Variants in KIAA1671 observed in about 807,000 individuals in gnomAD.
KIAA1671 encodes the protein KIAA1671, also known as uncharacterized protein KIAA1671.
Under a neutral mutation model 131.2 loss-of-function variants are expected in KIAA1671, and 52 were observed. The ratio of observed to expected loss-of-function variants is 0.40; its 90% CI spans 0.32 to 0.50. The LOEUF is 0.50. Ranked by LOEUF, KIAA1671 falls within the 20% of genes least tolerant of loss-of-function variation. The probability of loss-of-function intolerance (pLI) is 0.73; values close to 1 mark genes in which losing one functional copy is unlikely to be tolerated. For synonymous variants in KIAA1671, 1,003 were observed against 961.6 expected, an observed-to-expected ratio of 1.04 and a Z score of -0.80; for missense variants, 2,360 against 2,364.2, an observed-to-expected ratio of 1.00 and a Z score of 0.04.
chr22:25,030,834 G>C (rs995917350), intron 3 of KIAA1671, among the ~76,000 whole-genome samples: 3 of 152,182 alleles, frequency 2.0e-5, no homozygotes, highest in Non-Finnish European at 4.4e-5. Flanking sequence ...GTCCAGGGTG[G>C]AGCTTGCAAA....
chr22:25,128,874 T>A (rs1348133400), intron 6 of KIAA1671, among the ~76,000 whole-genome samples: 5 of 152,236 alleles, frequency 3.3e-5, no homozygotes, highest in Non-Finnish European at 1.5e-5. Flanking sequence ...TTGGATTCCG[T>A]CCTTGGCTCA....
chr22:25,173,292 T>C (rs1933912758), intron 7 of KIAA1671, among the ~76,000 whole-genome samples: 1 of 152,160 alleles, frequency 6.6e-6, no homozygotes, highest in South Asian at 2.1e-4. Context: ...CCAAACCATG[T>C]CACCAACCCT....
chr22:25,189,126 CTTTTTTT>C (rs200226589), intron 11 of KIAA1671, among the ~76,000 whole-genome samples: 4 of 114,878 alleles, frequency 3.5e-5, no homozygotes, highest in African/African-American at 1.0e-4. Flanking sequence ...CAGTCTTTTT[CTTTTTTT>C]TTTTTTTTTT....
At chr22:24,982,344 C>T (rs1247250236) in intron 1 of KIAA1671, among the ~76,000 whole-genome samples, 1 of 152,236 alleles carries the variant, frequency 6.6e-6, no homozygotes, top group South Asian at 2.1e-4. Context: ...CTTACTCTCT[C>T]TTTGCTAAAA....
chr22:25,018,136 CCT>C (rs1183871212), intron 1 of KIAA1671, among the ~76,000 whole-genome samples: 7 of 148,808 alleles, frequency 4.7e-5, no homozygotes, highest in Non-Finnish European at 8.9e-5. Flanking sequence ...CTATAACCCC[CCT>C]GTCTGCCCCC....
At position 25,049,279 on chromosome 22, in the gene KIAA1671, G is replaced by C. The variant is rs1007472849; in HGVS notation, c.4445G>C (p.Arg1482Pro). 1.3e-6 allele frequency: 2 copies of C among 1,551,916 alleles called. No individual in the cohort carries two copies. Among genetic ancestry groups the C allele is most frequent in the Non-Finnish European group, 8.7e-7 (1 of 1,146,998 alleles). Reference sequence around the variant, plus strand: ...GAGGATGCCCCCCAGGAGAAGGAGCGACCGCTCCAGCAGGTGTCCCCTGTG... The same window carrying C: ...GAGGATGCCCCCCAGGAGAAGGAGCCACCGCTCCAGCAGGTGTCCCCTGTG... ...EKEDAPQEKE[R>P]PLQQVSPVAS... Residue 1482 changes from arginine to proline, a missense_variant, in exon 6 of 13, where the codon CGA (arginine) becomes CCA (proline). Physicochemically the swap from Arg to Pro is moderately radical, Grantham distance 103. Coordinates refer to ENST00000358431, the MANE Select transcript of KIAA1671 (RefSeq NM_001145206.2).
At position 24,993,466 on chromosome 22, in the gene KIAA1671, G is replaced by A. The variant is rs536556482; in HGVS notation, c.-207-32167G>A. On this transcript the variant is annotated intron_variant, in intron 1 of 12. Transcript: ENST00000358431. ...TAGACCTCATGGCTTTCCCTTGGCC[G>A]GCTCCCTCTGACTGTAGGTCATTCA... Among the ~76,000 whole-genome samples, 9 of 152,272 alleles carry A rather than the reference G, an allele frequency of 5.9e-5. No individual in the cohort carries two copies. The East Asian group carries it at 1.4e-3, about 23-fold the overall frequency.
chr22:25,040,954 G>A lies in KIAA1671; in HGVS notation c.3824G>A (p.Gly1275Asp). Reference protein sequence around the residue: ...SAEINHSFTPGLGKQLAETLE... With the variant: ...SAEINHSFTPDLGKQLAETLE... ...GAAATAAATCACAGTTTCACTCCTGGCTTAGGCAAGCAGCTGGCAGAGACC... is the reference window on the plus strand; with the variant it reads ...GAAATAAATCACAGTTTCACTCCTGACTTAGGCAAGCAGCTGGCAGAGACC... The change falls in exon 5 of 13, where the codon GGC (glycine) becomes GAC (aspartate). Residue 1275 changes from glycine to aspartate, a missense_variant. Gly to Asp is a moderately conservative substitution (Grantham distance 94). Transcript: ENST00000358431. The A allele has an allele frequency of 6.8e-7, 1 of 1,477,504 alleles. No individual in the cohort carries two copies. The highest frequency in any genetic ancestry group is 9.0e-7 in the Non-Finnish European group (1 of 1,113,488). 91.5% of individuals were successfully genotyped at this position (1,477,504 alleles called of 1,614,324 possible). A position where few individuals can be genotyped will look rare whatever the true frequency, so the allele number is the denominator to read the frequency against.
At chr22:24,958,110 C>A (rs1010871860) in intron 1 of KIAA1671, among the ~76,000 whole-genome samples, 3 of 151,850 alleles carry the variant, frequency 2.0e-5, no homozygotes, top group Non-Finnish European at 4.4e-5. Flanking sequence ...AGTGGAAGAG[C>A]TGGGATTTGA....
chr22:25,129,305 G>C (rs576388108), intron 6 of KIAA1671, among the ~76,000 whole-genome samples: 6 of 152,090 alleles, frequency 3.9e-5, no homozygotes, highest in Non-Finnish European at 7.4e-5. Flanking sequence ...TCAAGAGTTC[G>C]AGACCAGCCT....
intron 3 of KIAA1671, among the ~76,000 whole-genome samples, chr22:25,031,283 G>A (rs367792571): frequency 0.037 from 5,430 of 144,820 alleles, 119 homozygotes; most frequent in South Asian, 0.064. Context: ...TGCAAGCTCC[G>A]CCTCCCAGGT....
chr22:24,989,877 A>G (rs1461477786), intron 1 of KIAA1671, among the ~76,000 whole-genome samples: 1 of 152,206 alleles, frequency 6.6e-6, no homozygotes, highest in Non-Finnish European at 1.5e-5. Flanking sequence ...GAACAAAAAA[A>G]GGCTGTCCTC....
At chr22:25,044,711 T>C (rs1927129199) in intron 5 of KIAA1671, among the ~76,000 whole-genome samples, 2 of 152,084 alleles carry the variant, frequency 1.3e-5, no homozygotes, top group Non-Finnish European at 2.9e-5. Context: ...TACAGGGGTA[T>C]AGAAAATAAA....
chr22:25,093,842 C>CTT lies in KIAA1671; in HGVS notation c.4530+44479_4530+44480insTT, dbSNP rs1930255401. On this transcript the variant is annotated intron_variant, in intron 6 of 12. Coordinates refer to ENST00000358431, the MANE Select transcript of KIAA1671 (RefSeq NM_001145206.2). ...TCTCTCTTTCTCTCTCTGTCTGTCTCTCTCTCTCTCTCTCTCTCTCTCTCT... is the reference window on the plus strand; with the variant it reads ...TCTCTCTTTCTCTCTCTGTCTGTCTCTTTCTCTCTCTCTCTCTCTCTCTCTCT... Among the ~76,000 whole-genome samples the CTT allele has an allele frequency of 9.4e-5, 6 of 64,066 alleles. 1 individual carries two copies. Among genetic ancestry groups the CTT allele is most frequent in the Non-Finnish European group, 1.4e-4 (4 of 28,990 alleles). The allele number at this position is 64,066 out of a possible 152,430, so 42.0% of individuals were successfully genotyped here.
intron 1 of KIAA1671, among the ~76,000 whole-genome samples, chr22:24,971,683 T>G (rs369030180): frequency 1.3e-5 from 2 of 152,252 alleles, no homozygotes; most frequent in African/African-American, 4.8e-5. Flanking sequence ...CTGGCTGCTG[T>G]GGGATGTGGT....
intron 1 of KIAA1671, chr22:25,015,054 C>T (rs977554408): frequency 1.3e-5 from 2 of 152,048 alleles, no homozygotes; most frequent in African/African-American, 4.8e-5. Context: ...GTCTGGGCAA[C>T]ATGGCGAAAG....
At chr22:25,019,168 T>C (rs1033456844) in intron 1 of KIAA1671, among the ~76,000 whole-genome samples, 71 of 152,058 alleles carry the variant, frequency 4.7e-4, no homozygotes, top group African/African-American at 1.6e-3. Context: ...GCAGTTGTTT[T>C]AGTTAAGCCC....
chr22:25,032,493 G>C, intron 3 of KIAA1671, 116 bp from the exon 4 acceptor site: 1 of 580,122 alleles, frequency 1.7e-6, no homozygotes. Flanking sequence ...CTTTTGGTAA[G>C]TGGAAAGGAA....
At chr22:25,007,027 G>C (rs1356704814) in intron 1 of KIAA1671, among the ~76,000 whole-genome samples, 1 of 151,948 alleles carries the variant, frequency 6.6e-6, no homozygotes, top group Non-Finnish European at 1.5e-5. Context: ...TCTTCTTGTG[G>C]GTTTCAGTTA....
Sources: allele counts gnomAD v4.1 joint callset (sites outside exome capture counted in the v4.1 genomes callset), GRCh38; gene constraint gnomAD v4.1.1; transcripts MANE v1.5; gene names NCBI Gene and HGNC (gene_info 2026-07-23, HGNC 2026-07-21).